The following BAZ1A variants were observed in gnomAD, a reference collection of about 807,000 sequenced individuals.
BAZ1A encodes the protein bromodomain adjacent to zinc finger domain 1A.
In BAZ1A, 50 loss-of-function variants were observed where a neutral mutation model predicts 185.2. The observed-to-expected ratio is 0.27, with a 90% confidence interval of 0.22 to 0.34. BAZ1A has a LOEUF of 0.34. BAZ1A is among the 10% of genes least tolerant of loss of function. The pLI is 1.00. For synonymous variants in BAZ1A, 571 were observed against 615.6 expected (o/e 0.93, Z 1.07); for missense variants, 1,356 against 1,839.9 (o/e 0.74, Z 4.81).
intron 3 of BAZ1A, among the ~76,000 whole-genome samples, chr14:34,860,241 G>C (rs1054169302): frequency 4.6e-5 from 7 of 152,008 alleles, no homozygotes; most frequent in Admixed American, 2.6e-4. Context: ...GGGCTTGGTA[G>C]CTCAGCCTGT....
chr14:34,756,002 T>C (rs897418813), intron 25 of BAZ1A, among the ~76,000 whole-genome samples: 1 of 85,684 alleles, frequency 1.2e-5, no homozygotes, highest in Admixed American at 1.0e-4. Context: ...TTTCTTTTTC[T>C]TTTTTTTTTT....
At chr14:34,847,203 T>C (rs1416938759) in intron 3 of BAZ1A, among the ~76,000 whole-genome samples, 1 of 149,910 alleles carries the variant, frequency 6.7e-6, no homozygotes, top group Non-Finnish European at 1.5e-5. Context: ...AGTGAGCCGA[T>C]ATCCAGACTG....
chr14:34,801,447 A>T (rs1881551432), intron 7 of BAZ1A, among the ~76,000 whole-genome samples: 2 of 101,848 alleles, frequency 2.0e-5, no homozygotes, highest in South Asian at 8.5e-4. Flanking sequence ...ATGTGCCACC[A>T]CACCTGGCTA....
At chr14:34,812,901 G>A (rs906378386) in intron 4 of BAZ1A, among the ~76,000 whole-genome samples, 1 of 151,880 alleles carries the variant, frequency 6.6e-6, no homozygotes, top group Non-Finnish European at 1.5e-5. Context: ...CTAAGACTCA[G>A]TATATACATA....
rs1200637621 is a variant in BAZ1A at position 34,761,888 on chromosome 14, C to T, written c.4112G>A (p.Ser1371Asn). ...RKSANNTPEN[S>N]PNFPNFRVIA... Reference sequence around the variant, plus strand: ...GACTCTGAAGTTAGGGAAGTTGGGACTATTTTCTGGTGTATTATTAGCACT... The same window carrying T: ...GACTCTGAAGTTAGGGAAGTTGGGATTATTTTCTGGTGTATTATTAGCACT... The change falls in exon 24 of 27, where the codon AGT becomes AAT. Residue 1371 changes from serine to asparagine, a missense_variant. Around this residue, in one of 7 missense-constraint regions of BAZ1A, gnomAD observed 309 missense variants for 355.3 expected, o/e 0.87. Transcript: ENST00000360310. 2 of 1,614,048 alleles carry T rather than the reference C, an allele frequency of 1.2e-6. No homozygotes were observed. Among genetic ancestry groups the T allele is most frequent in the Non-Finnish European group, 1.7e-6 (2 of 1,180,032 alleles).
chr14:34,797,473 T>A (rs1015898953), intron 9 of BAZ1A, among the ~76,000 whole-genome samples: 4 of 152,042 alleles, frequency 2.6e-5, no homozygotes, highest in Non-Finnish European at 4.4e-5. Flanking sequence ...GCAGGAGAAT[T>A]GCTTGAATCT....
At chr14:34,859,821 A>C (rs1483326899) in intron 3 of BAZ1A, among the ~76,000 whole-genome samples, 1 of 152,184 alleles carries the variant, frequency 6.6e-6, no homozygotes, top group Non-Finnish European at 1.5e-5. Context: ...ATATTAGTAA[A>C]ATATACATAT....
chr14:34,807,318 T>A, intron 6 of BAZ1A, 133 bp downstream of exon 6: 1 of 557,614 alleles, frequency 1.8e-6, no homozygotes, highest in South Asian at 5.1e-5. Context: ...TCAGAAGTAC[T>A]AAAAATTGGC....
chr14:34,867,202 T>A (rs8007965), intron 2 of BAZ1A, among the ~76,000 whole-genome samples: 2 of 151,860 alleles, frequency 1.3e-5, no homozygotes, highest in Non-Finnish European at 2.9e-5. Flanking sequence ...GAGGTTGCAG[T>A]GAGCTGAGAT....
chr14:34,862,235 T>A lies in BAZ1A; in HGVS notation c.201A>T (p.Ala67=). 1 of 1,614,124 alleles carries A rather than the reference T, an allele frequency of 6.2e-7. No homozygotes were observed. Residue 67 remains alanine, a synonymous_variant, in exon 3 of 27, where the codon GCA becomes GCT. Coordinates refer to ENST00000360310, the MANE Select transcript of BAZ1A (RefSeq NM_013448.3). ...TGRPGLTYQE[A]LESEKKARQN... ...GTCTTGCTTTTTTTTCTGACTCAAGTGCTTCCTGATACGTCAGTCCAGGTC... is the reference window on the plus strand; with the variant it reads ...GTCTTGCTTTTTTTTCTGACTCAAGAGCTTCCTGATACGTCAGTCCAGGTC...
At chr14:34,861,160 A>G (rs1483785333) in intron 3 of BAZ1A, among the ~76,000 whole-genome samples, 1 of 152,210 alleles carries the variant, frequency 6.6e-6, no homozygotes, top group African/African-American at 2.4e-5. Context: ...ATTTGTATTC[A>G]GGTCAATAAT....
chr14:34,778,232 C>T (rs1879785994), intron 17 of BAZ1A, among the ~76,000 whole-genome samples: 1 of 152,164 alleles, frequency 6.6e-6, no homozygotes, highest in African/African-American at 2.4e-5. Flanking sequence ...TTCCCATTTC[C>T]ACCTAGCTAG....
intron 20 of BAZ1A, among the ~76,000 whole-genome samples, chr14:34,772,371 C>A (rs1879282179): frequency 6.6e-6 from 1 of 152,286 alleles, no homozygotes; most frequent in Non-Finnish European, 1.5e-5. Flanking sequence ...CTTCCTCTTG[C>A]ACTTCCTTTA....
intron 16 of BAZ1A, among the ~76,000 whole-genome samples, chr14:34,781,941 T>C (rs758196420): frequency 7.9e-5 from 12 of 152,248 alleles, no homozygotes; most frequent in Admixed American, 2.0e-4. Flanking sequence ...CATTCATCAA[T>C]TGATGGACAT....
At chr14:34,838,040 G>A (rs1347125568) in intron 3 of BAZ1A, among the ~76,000 whole-genome samples, 1 of 150,672 alleles carries the variant, frequency 6.6e-6, no homozygotes, top group African/African-American at 2.4e-5. Flanking sequence ...GAAAACGATT[G>A]TTACAACAAC....
At chr14:34,824,406 C>CAAA (rs2042133804) in intron 4 of BAZ1A, among the ~76,000 whole-genome samples, 1 of 24,456 alleles carries the variant, frequency 4.1e-5, no homozygotes, top group African/African-American at 1.2e-4. Context: ...AAAGCAGCAA[C>CAAA]TCAAAAAAAA....
At chr14:34,809,823 AAAAG>A in intron 5 of BAZ1A, among the ~76,000 whole-genome samples, 1 of 152,304 alleles carries the variant, frequency 6.6e-6, no homozygotes, top group Admixed American at 6.5e-5. Context: ...AACTAAAGGC[AAAAG>A]AAAAAAACTC....
In BAZ1A at chr14:34,862,278, C is replaced by T; in HGVS notation, c.158G>A (p.Ser53Asn). Reference protein sequence around the residue: ...RTILCNSLVWSCAVTGRPGLT... With the variant: ...RTILCNSLVWNCAVTGRPGLT... ...TCCAGGTCTACCCGTCACAGCACAA[C>T]TCCACACAAGGCTGTTGCACAGAAT... is the stretch of plus-strand genomic sequence containing the variant. The change falls in exon 3 of 27, where the codon AGT (serine) becomes AAT (asparagine). Residue 53 changes from serine to asparagine, a missense_variant. Physicochemically the swap from Ser to Asn is conservative, Grantham distance 46 (BLOSUM62 1). Around this residue, in one of 7 missense-constraint regions of BAZ1A, gnomAD observed 332 missense variants for 395.3 expected, o/e 0.84. Coordinates refer to ENST00000360310, the MANE Select transcript of BAZ1A (RefSeq NM_013448.3). 6.2e-7 allele frequency: 1 copy of T among 1,614,120 alleles called. No homozygotes were observed. Among genetic ancestry groups the T allele is most frequent in the Non-Finnish European group, 8.5e-7 (1 of 1,180,032 alleles).
chr14:34,869,323 C>G (rs1256766627), intron 2 of BAZ1A, among the ~76,000 whole-genome samples: 1 of 152,020 alleles, frequency 6.6e-6, no homozygotes, highest in Non-Finnish European at 1.5e-5. Flanking sequence ...GTTCAGGTAC[C>G]ACATGTGCAG....
Sources: gnomAD v4.1 joint callset for allele counts (sites outside exome capture counted in the v4.1 genomes callset) on GRCh38, gnomAD v4.1.1 for gene constraint, gnomAD v4.1.1 regional missense constraint, MANE v1.5 for transcripts, NCBI Gene and HGNC (gene_info 2026-07-23, HGNC 2026-07-21) for gene names.